POLE2: variants seen among roughly 807,000 people sequenced by gnomAD.
POLE2 encodes DNA polymerase epsilon subunit 2.
In POLE2, 56 loss-of-function variants were observed where a neutral mutation model predicts 79.4. The observed-to-expected ratio is 0.71, with a 90% CI of 0.57 to 0.88. The LOEUF is 0.88. Among genes scored for constraint, POLE2 ranks in the 40% least tolerant of loss-of-function variants. The probability of loss-of-function intolerance (pLI) is 0.00; values close to 1 mark genes in which losing one functional copy is unlikely to be tolerated. For missense variants in POLE2, 598 were observed against 638.9 expected, an observed-to-expected ratio of 0.94 and a Z score of 0.69; for synonymous variants, 212 against 214.0, an observed-to-expected ratio of 0.99 and a Z score of 0.08.
chr14:49,643,790 C>T (rs1883561821), intron 18 of POLE2, 120 bp from the exon 19 acceptor site: 1 of 368,044 alleles, frequency 2.7e-6, no homozygotes, highest in Non-Finnish European at 5.0e-6. Context: ...TCAATACATA[C>T]ATACTGTTTC....
In POLE2 at chr14:49,682,640, GAAAAAAAA is replaced by G. The variant is rs35984833; in HGVS notation, c.169+945_169+952del. 1.6e-4 allele frequency among the ~76,000 whole-genome samples: 10 copies of G among 60,980 alleles called. 1 individual carries two copies. The highest frequency in any genetic ancestry group is 1.6e-3 in the East Asian group (3 of 1,888). 40.0% of individuals were successfully genotyped at this position (60,980 alleles called of 152,430 possible). ...CGACAGTGCAAGACTCCTTCTCAGG[GAAAAAAAA>G]AAAAAAAAAAAAAAAAAAGTCTATT... On this transcript the variant is annotated intron_variant, in intron 2 of 18. Transcript: ENST00000216367.
chr14:49,649,651 A>G (rs1884062253), intron 17 of POLE2, among the ~76,000 whole-genome samples: 1 of 150,942 alleles, frequency 6.6e-6, no homozygotes, highest in African/African-American at 2.4e-5. Flanking sequence ...GGGTTTCACC[A>G]TGTTGGTCAG....
chr14:49,669,120 T>C (rs549857052), intron 6 of POLE2, among the ~76,000 whole-genome samples: 1 of 152,248 alleles, frequency 6.6e-6, no homozygotes, highest in East Asian at 1.9e-4. Flanking sequence ...AATAACTGTG[T>C]GTGGTGGTCA....
chr14:49,683,616 A>G lies in POLE2; in HGVS notation c.146T>C (p.Ile49Thr). 6.4e-7 allele frequency: 1 copy of G among 1,573,520 alleles called. No homozygotes were observed. Among genetic ancestry groups the G allele is most frequent in the Non-Finnish European group, 8.7e-7 (1 of 1,144,914 alleles). The change falls in exon 2 of 19, where the codon ATT becomes ACT. Residue 49 changes from isoleucine (I) to threonine (T), a missense_variant. Transcript: ENST00000216367. ...ACAGGGTTGCTTCTCAACTGCATTAATTATCTTTTCCAGTTTATCTTCAAG... is the reference window on the plus strand; with the variant it reads ...ACAGGGTTGCTTCTCAACTGCATTAGTTATCTTTTCCAGTTTATCTTCAAG... ...LELEDKLEKIINAVEKQPLSS... is the reference protein window; with the variant it reads ...LELEDKLEKITNAVEKQPLSS...
In POLE2 at chr14:49,664,061, A is replaced by C. The variant is rs1428430551; in HGVS notation, c.682+565T>G. 4.7e-5 allele frequency among the ~76,000 whole-genome samples: 7 copies of C among 148,028 alleles called. No individual in the cohort carries two copies. The South Asian group carries it at 1.3e-3, about 27-fold the overall frequency. ...CAAAAGAAAAAAAAAAAAAGTATAT[A>C]ATTCAGGCCGGGCATGGTGGCTCAC... On this transcript the variant is annotated intron_variant, in intron 9 of 18. Coordinates refer to ENST00000216367, the MANE Select transcript of POLE2 (RefSeq NM_002692.4).
chr14:49,671,784 G>A (rs45483692), intron 5 of POLE2, among the ~76,000 whole-genome samples: 2,113 of 151,530 alleles, frequency 0.014, 48 homozygotes, highest in African/African-American at 0.048. Context: ...GTGAAACCCC[G>A]TCTCTACTAA....
intron 8 of POLE2, 153 bp downstream of exon 8, chr14:49,664,954 T>C (rs1885372060): frequency 3.2e-6 from 2 of 632,828 alleles, no homozygotes; most frequent in Non-Finnish European, 5.7e-6. Context: ...AGTTGTTCTG[T>C]CCCTGTTTAG....
At chr14:49,651,635 G>A (rs938319446) in intron 15 of POLE2, among the ~76,000 whole-genome samples, 1 of 152,006 alleles carries the variant, frequency 6.6e-6, no homozygotes, top group South Asian at 2.1e-4. Flanking sequence ...GTAGGGGGTG[G>A]GGCTGAGAAA....
In POLE2 at chr14:49,651,279, AT is replaced by A; in HGVS notation, c.1309del (p.Ile437PhefsTer6). 1 of 1,552,716 alleles carries A rather than the reference AT, an allele frequency of 6.4e-7. No homozygotes were observed. The highest frequency in any genetic ancestry group is 8.9e-7 in the Non-Finnish European group (1 of 1,125,692). ...CVRFPSSNLA[I>X]PNHFVKTILS... ...AGTTGTTTCACTTACGTGATTAGGA[AT>A]AGCCAAATTGCTGCTAGGAAAACGG... On this transcript the variant is annotated frameshift_variant, in exon 16 of 19. Transcript: ENST00000216367. LOFTEE classifies it high-confidence loss of function.
intron 18 of POLE2, 37 bp downstream of exon 18, chr14:49,647,256 G>T: frequency 9.0e-7 from 1 of 1,110,088 alleles, no homozygotes; most frequent in Non-Finnish European, 1.3e-6. Flanking sequence ...AACACCTAGA[G>T]AAAGATCTTT....
Position 49,674,162 on chromosome 14 carries a change from T to G in POLE2, c.378A>C (p.Lys126Asn). The G allele has an allele frequency of 6.2e-7, 1 of 1,613,736 alleles. No individual in the cohort carries two copies. The highest frequency in any genetic ancestry group is 8.5e-7 in the Non-Finnish European group (1 of 1,179,664). Residue 126 changes from lysine to asparagine, a missense_variant, in exon 5 of 19, where the codon AAA becomes AAC. By Grantham distance (94) the Lys-to-Asn change is moderately conservative. Transcript: ENST00000216367. ...TATATCGCTCACGAAACATCTCTGC[T>G]TTATCTCTTGGTGTTCCAAATAAAT... Reference protein sequence around the residue: ...APNLFGTPRDKAEMFRERYTI... With the variant: ...APNLFGTPRDNAEMFRERYTI...
chr14:49,672,999 C>T (rs1426273250), intron 5 of POLE2, among the ~76,000 whole-genome samples: 2 of 152,180 alleles, frequency 1.3e-5, no homozygotes, highest in Non-Finnish European at 2.9e-5. Context: ...CCTTCTACAA[C>T]ATTCTCTTTT....
chr14:49,655,458 AACACACACACACAC>A (rs35575577), intron 11 of POLE2, among the ~76,000 whole-genome samples, 199 bp downstream of exon 11: 2 of 143,396 alleles, frequency 1.4e-5, no homozygotes, highest in African/African-American at 5.1e-5. Flanking sequence ...CATGACTATA[AACACACACACACAC>A]ACACACACAC....
At chr14:49,650,216 A>T (rs779256656) in intron 17 of POLE2, 49 bp downstream of exon 17, 1 of 949,912 alleles carries the variant, frequency 1.1e-6, no homozygotes, top group Non-Finnish European at 1.5e-6. Flanking sequence ...TAAAAAATGC[A>T]CTCTAATCTT....
intron 6 of POLE2, 65 bp from the exon 7 acceptor site, chr14:49,666,478 A>G: frequency 1.6e-6 from 1 of 619,726 alleles, no homozygotes; most frequent in Non-Finnish European, 2.7e-6. Flanking sequence ...AAAACTTTTT[A>G]TAAATAACTA....
At chr14:49,652,857 C>A (rs200209890) in intron 15 of POLE2, among the ~76,000 whole-genome samples, 1 of 151,928 alleles carries the variant, frequency 6.6e-6, no homozygotes, top group Admixed American at 6.6e-5. Context: ...TCACCCCCAC[C>A]CCCCCTGGCG....
rs80059575 is a variant in POLE2 at position 49,676,540 on chromosome 14, T to C, written c.246-2113A>G. On this transcript the variant is annotated intron_variant, in intron 3 of 18. Coordinates refer to ENST00000216367, the MANE Select transcript of POLE2 (RefSeq NM_002692.4). ...TCTCTGACAATTGAAGGTACAAAAA[T>C]CCTTTACCATTCAGTCCCCACTGGA... 7.2e-4 allele frequency among the ~76,000 whole-genome samples: 109 copies of C among 152,324 alleles called. 2 individuals carry two copies. In the East Asian group the frequency reaches 0.018, roughly 25 times the overall value.
In POLE2 at chr14:49,643,563, A is replaced by G. The variant is rs1883545687; in HGVS notation, c.*89T>C. On this transcript the variant is annotated 3_prime_UTR_variant, in exon 19 of 19. Transcript: ENST00000216367. ...ATTTAAGCAGAACATCCTAAAGTTTACCATAATTTTATTGTAATATCAGAA... is the reference window on the plus strand; with the variant it reads ...ATTTAAGCAGAACATCCTAAAGTTTGCCATAATTTTATTGTAATATCAGAA... The G allele has an allele frequency of 9.7e-6, 7 of 723,408 alleles. No homozygotes were observed. The South Asian group carries it at 1.3e-4, about 13-fold the overall frequency. 44.8% of individuals were successfully genotyped at this position (723,408 alleles called of 1,614,324 possible).
chr14:49,659,562 CTA>C (rs1177012976), intron 10 of POLE2, among the ~76,000 whole-genome samples: 1 of 152,012 alleles, frequency 6.6e-6, no homozygotes, highest in African/African-American at 2.4e-5. Flanking sequence ...GTTATAGTAA[CTA>C]AAGTTAATTA....
Sources: allele counts gnomAD v4.1 joint callset (sites outside exome capture counted in the v4.1 genomes callset), GRCh38; gene constraint gnomAD v4.1.1; transcripts MANE v1.5; gene names NCBI Gene and HGNC (gene_info 2026-07-23, HGNC 2026-07-21).